The following PRR5L variants were observed in gnomAD, a reference collection of about 807,000 sequenced individuals.
PRR5L encodes the protein proline rich 5 like.
A neutral mutation model predicts 36.4 loss-of-function variants in PRR5L; 21 were observed. That is an observed-to-expected ratio of 0.58 (90% confidence interval 0.41 to 0.83). PRR5L has a LOEUF of 0.83. Among genes scored for constraint, PRR5L ranks in the 40% least tolerant of loss-of-function variants. The probability of loss-of-function intolerance (pLI) is 0.00; values close to 1 mark genes in which losing one functional copy is unlikely to be tolerated. For synonymous variants in PRR5L, 188 were observed against 197.0 expected, an observed-to-expected ratio of 0.95 and a Z score of 0.38; for missense variants, 381 against 473.3, an observed-to-expected ratio of 0.80 and a Z score of 1.81.
At chr11:36,368,172 T>G (rs1420709502) in intron 1 of PRR5L, among the ~76,000 whole-genome samples, 12 of 152,008 alleles carry the variant, frequency 7.9e-5, no homozygotes, top group Admixed American at 7.2e-4. Flanking sequence ...AATATTGAAA[T>G]CATGGAGAAT....
intron 1 of PRR5L, among the ~76,000 whole-genome samples, chr11:36,364,584 G>A (rs548937665): frequency 7.9e-5 from 12 of 152,288 alleles, no homozygotes; most frequent in African/African-American, 2.6e-4. Flanking sequence ...CTTAGTAAGT[G>A]CTCAGTAAAT....
chr11:36,362,461 T>C (rs941910718), intron 1 of PRR5L, among the ~76,000 whole-genome samples: 6 of 139,740 alleles, frequency 4.3e-5, no homozygotes, highest in African/African-American at 1.6e-4. Flanking sequence ...CGGTGGTTGG[T>C]GGGAAACAAT....
intron 3 of PRR5L, among the ~76,000 whole-genome samples, chr11:36,407,491 T>C (rs7103677): frequency 0.13 from 19,469 of 152,022 alleles, 1,650 homozygotes; most frequent in Non-Finnish European, 0.17. Flanking sequence ...GTGCCTGGAG[T>C]TGAAGTTTGG....
chr11:36,400,570 C>T (rs1172978289), intron 1 of PRR5L, among the ~76,000 whole-genome samples: 1 of 152,264 alleles, frequency 6.6e-6, no homozygotes, highest in Admixed American at 6.5e-5. Context: ...TGCAGACTGG[C>T]TTGGTAAGGG....
chr11:36,436,002 T>C (rs1858598565), intron 5 of PRR5L, among the ~76,000 whole-genome samples: 2 of 152,182 alleles, frequency 1.3e-5, no homozygotes, highest in Admixed American at 1.3e-4. Flanking sequence ...TCCGATAAAG[T>C]GTGATCAGTG....
intron 1 of PRR5L, among the ~76,000 whole-genome samples, chr11:36,381,138 A>G (rs1396766977): frequency 1.3e-5 from 2 of 152,144 alleles, no homozygotes; most frequent in Admixed American, 1.3e-4. Context: ...TCACCCACAC[A>G]TCAATATTCT....
intron 3 of PRR5L, among the ~76,000 whole-genome samples, chr11:36,408,642 T>C (rs1857960263): frequency 6.6e-6 from 1 of 152,154 alleles, no homozygotes. Context: ...TGTGGCTGCA[T>C]TTTGGCAGCG....
intron 2 of PRR5L, among the ~76,000 whole-genome samples, chr11:36,402,373 A>G (rs983987041): frequency 6.6e-6 from 1 of 152,122 alleles, no homozygotes; most frequent in Non-Finnish European, 1.5e-5. Context: ...CCTCCTAAGT[A>G]GCTGGGTTTA....
rs1290327918 is a variant in PRR5L at position 36,377,709 on chromosome 11, T to C, written c.-125-23288T>C. 2.0e-5 allele frequency: 3 copies of C among 152,552 alleles called. No individual in the cohort carries two copies. Among genetic ancestry groups the C allele is most frequent in the Non-Finnish European group, 1.5e-5 (1 of 68,322 alleles). The allele number at this position is 152,552 out of a possible 1,614,324, so 9.4% of individuals were successfully genotyped here. ...CGGTGCCGGGAGCCCGCGTTTTGTT[T>C]GTCAGCAGTTAGGCGGTGAGTATTT... On this transcript the variant is annotated intron_variant, in intron 1 of 8. Transcript: ENST00000530639. The surrounding 1 kb of genome is among the most constrained non-coding windows in gnomAD (Gnocchi z 5.1).
intron 1 of PRR5L, among the ~76,000 whole-genome samples, chr11:36,306,972 G>A (rs1856440741): frequency 6.6e-6 from 1 of 152,176 alleles, no homozygotes; most frequent in South Asian, 2.1e-4. Context: ...TCACAGGGTT[G>A]GTAGTGATGA....
intron 1 of PRR5L, among the ~76,000 whole-genome samples, chr11:36,397,503 C>A (rs1388203377): frequency 1.8e-5 from 2 of 112,068 alleles, no homozygotes; most frequent in Admixed American, 1.4e-4. Flanking sequence ...GTTGCCCAGG[C>A]TGGAGTGCAG....
chr11:36,376,549 G>A (rs912245509), intron 1 of PRR5L: 4 of 1,005,184 alleles, frequency 4.0e-6, no homozygotes, highest in Admixed American at 1.2e-4. Flanking sequence ...TGGGCAGAGC[G>A]CGACGGGGAG....
At chr11:36,310,230 C>T (rs374879670) in intron 1 of PRR5L, among the ~76,000 whole-genome samples, 69 of 152,248 alleles carry the variant, frequency 4.5e-4, no homozygotes, top group African/African-American at 1.6e-3. Context: ...TAGATTTTAC[C>T]GTTAGATCAA....
chr11:36,321,913 C>T (rs1369670480), intron 1 of PRR5L, among the ~76,000 whole-genome samples: 1 of 152,140 alleles, frequency 6.6e-6, no homozygotes, highest in Non-Finnish European at 1.5e-5. Flanking sequence ...AATCTCTTCT[C>T]ATAAGGACAC....
intron 1 of PRR5L, among the ~76,000 whole-genome samples, chr11:36,298,144 C>T (rs1306453321): frequency 6.6e-6 from 1 of 152,120 alleles, no homozygotes. Flanking sequence ...CTAAGCAGTG[C>T]CGTATTAGTT....
intron 1 of PRR5L, among the ~76,000 whole-genome samples, chr11:36,350,241 AGTGT>A (rs1359065526): frequency 7.3e-6 from 1 of 137,798 alleles, no homozygotes; most frequent in African/African-American, 2.8e-5. Context: ...GGTATAAGTG[AGTGT>A]GTGTGTGGGA....
chr11:36,464,907 C>T lies in PRR5L; in HGVS notation c.*2171C>T, dbSNP rs971318118. The stretch of plus-strand genomic sequence containing the variant: ...GTGCTGATGACTGTTAGCCAGTTTA[C>T]AACTTTTTACCATCGATGTACACAT... On this transcript the variant is annotated 3_prime_UTR_variant, in exon 9 of 9. Transcript: ENST00000530639. 1.3e-5 allele frequency: 2 copies of T among 152,140 alleles called. No homozygotes were observed. Among genetic ancestry groups the T allele is most frequent in the Non-Finnish European group, 2.9e-5 (2 of 68,026 alleles). 9.4% of individuals were successfully genotyped at this position (152,140 alleles called of 1,614,324 possible). A position where few individuals can be genotyped will look rare whatever the true frequency, so the allele number is the denominator to read the frequency against.
chr11:36,420,761 A>C (rs1396934127), intron 4 of PRR5L, among the ~76,000 whole-genome samples: 1 of 151,852 alleles, frequency 6.6e-6, no homozygotes, highest in Non-Finnish European at 1.5e-5. Context: ...ATCCTTTTAT[A>C]ATTTTTCTTT....
At chr11:36,437,581 T>C in intron 6 of PRR5L, 105 bp downstream of exon 6, 4 of 667,468 alleles carry the variant, frequency 6.0e-6, no homozygotes, top group South Asian at 1.8e-5. Flanking sequence ...ACTTGGAGAT[T>C]GGGCGCTTGT....
Sources: allele counts gnomAD v4.1 joint callset (sites outside exome capture counted in the v4.1 genomes callset), GRCh38; gene constraint gnomAD v4.1.1; non-coding constraint Gnocchi (gnomAD v3.1); transcripts MANE v1.5; gene names NCBI Gene and HGNC (gene_info 2026-07-23, HGNC 2026-07-21).